Variants in ATP2B2 observed in about 807,000 individuals in gnomAD.
The protein encoded by ATP2B2 is plasma membrane calcium-transporting ATPase 2.
A neutral mutation model predicts 120.0 loss-of-function variants in ATP2B2; 15 were observed. That is an observed-to-expected ratio of 0.12 (90% CI 0.08 to 0.19). The LOEUF (loss-of-function observed/expected upper bound fraction) is 0.19. Ranked by LOEUF, ATP2B2 falls within the 10% of genes least tolerant of loss-of-function variation. ATP2B2 has a pLI of 1.00. For synonymous variants in ATP2B2, 694 were observed against 700.3 expected, an observed-to-expected ratio of 0.99 and a Z score of 0.14; for missense variants, 1,045 against 1,719.8, an observed-to-expected ratio of 0.61 and a Z score of 6.94.
chr3:10,680,197 G>T (rs999431721), intron 1 of ATP2B2, among the ~76,000 whole-genome samples: 1 of 152,216 alleles, frequency 6.6e-6, no homozygotes, highest in African/African-American at 2.4e-5. Context: ...CCACCAGTTT[G>T]CTCTATGGCC....
chr3:10,678,081 T>C (rs1420140455), intron 1 of ATP2B2, among the ~76,000 whole-genome samples: 1 of 152,212 alleles, frequency 6.6e-6, no homozygotes, highest in Non-Finnish European at 1.5e-5. Context: ...CCAATGTCCA[T>C]GCTCCCAGTT....
At position 10,402,187 on chromosome 3, in the gene ATP2B2, C is replaced by T. The variant is rs766306375; in HGVS notation, c.559G>A (p.Glu187Lys). 6.8e-6 allele frequency: 11 copies of T among 1,614,098 alleles called. No individual in the cohort carries two copies. Among genetic ancestry groups the T allele is most frequent in the Admixed American group, 1.7e-5 (1 of 60,006 alleles). The change falls in exon 4 of 23, where the codon GAG becomes AAG. Residue 187 changes from glutamate to lysine, a missense_variant. Glu to Lys is a moderately conservative substitution (Grantham distance 56, BLOSUM62 1). Around this residue, in one of 11 missense-constraint regions of ATP2B2, gnomAD observed 30 missense variants for 66.7 expected, o/e 0.45. Transcript: ENST00000360273. The surrounding 1 kb of genome is among the most constrained non-coding windows in gnomAD (Gnocchi z 4.9). ...KQFRGLQSRI[E>K]QEQKFTVVRA... ...ACCACGGTAAATTTCTGTTCCTGCT[C>T]GATGCGGCTCTGCAGGCCCCGGAAC...
At chr3:10,388,006 C>T (rs1377740102) in intron 6 of ATP2B2, 2 of 446,756 alleles carry the variant, frequency 4.5e-6, no homozygotes, top group Non-Finnish European at 8.3e-6. Flanking sequence ...GGAGACTCAA[C>T]AACATGGTCA....
At chr3:10,472,097 A>G (rs1376493210) in intron 1 of ATP2B2, among the ~76,000 whole-genome samples, 3 of 146,628 alleles carry the variant, frequency 2.0e-5, no homozygotes, top group South Asian at 2.3e-4. Context: ...AAAAAAAAAA[A>G]AAAAGAGATA....
chr3:10,689,436 G>A (rs2071604236), intron 1 of ATP2B2, among the ~76,000 whole-genome samples: 1 of 152,058 alleles, frequency 6.6e-6, no homozygotes, highest in Non-Finnish European at 1.5e-5. Context: ...ATAATTCAGT[G>A]TTTCCCAGAC....
intron 1 of ATP2B2, among the ~76,000 whole-genome samples, chr3:10,683,758 GTGTATATATA>G (rs1287643302): frequency 3.0e-5 from 1 of 33,636 alleles, no homozygotes; most frequent in Non-Finnish European, 6.0e-5. Context: ...ATGTGTGTGT[GTGTATATATA>G]TATATATATA....
At chr3:10,618,744 C>G (rs2069465505) in intron 2 of ATP2B2, among the ~76,000 whole-genome samples, 1 of 152,092 alleles carries the variant, frequency 6.6e-6, no homozygotes, top group Non-Finnish European at 1.5e-5. Flanking sequence ...TCTAGACCTC[C>G]CCAGAGAGCA....
At chr3:10,437,066 G>A (rs560400455) in intron 2 of ATP2B2, among the ~76,000 whole-genome samples, 8 of 152,204 alleles carry the variant, frequency 5.3e-5, no homozygotes, top group Admixed American at 2.6e-4. Context: ...TCCTAATGTG[G>A]GGCACTTAGG....
intron 1 of ATP2B2, among the ~76,000 whole-genome samples, chr3:10,683,760 G>GTGTGTATATATA (rs1446781892): frequency 1.5e-3 from 81 of 53,862 alleles, no homozygotes; most frequent in Non-Finnish European, 1.8e-3. Context: ...GTGTGTGTGT[G>GTGTGTATATATA]TATATATATA....
intron 1 of ATP2B2, among the ~76,000 whole-genome samples, chr3:10,667,335 C>G (rs1225622979): frequency 1.3e-5 from 2 of 152,136 alleles, no homozygotes; most frequent in African/African-American, 4.8e-5. Context: ...CTCTCAGACA[C>G]CACAATATTA....
chr3:10,434,873 C>T (rs1191596481), intron 2 of ATP2B2, among the ~76,000 whole-genome samples: 1 of 152,264 alleles, frequency 6.6e-6, no homozygotes, highest in African/African-American at 2.4e-5. Context: ...GCCCCATTGG[C>T]AGATCAGGTA....
chr3:10,536,550 A>G (rs2067322501), intron 2 of ATP2B2, among the ~76,000 whole-genome samples: 1 of 149,854 alleles, frequency 6.7e-6, no homozygotes, highest in African/African-American at 2.5e-5. Context: ...TTTTTGAGAA[A>G]GGGTCTCACT....
At chr3:10,512,481 C>CAG (rs1559431497) in intron 3 of ATP2B2, among the ~76,000 whole-genome samples, 19 of 137,670 alleles carry the variant, frequency 1.4e-4, no homozygotes, top group African/African-American at 5.8e-4. Flanking sequence ...CACACACACA[C>CAG]ACACACACAC....
intron 1 of ATP2B2, among the ~76,000 whole-genome samples, chr3:10,496,140 T>C (rs1220682372): frequency 1.3e-5 from 2 of 152,172 alleles, no homozygotes; most frequent in Admixed American, 6.5e-5. Flanking sequence ...GTCATGTAAG[T>C]TGATAAATTT....
intron 2 of ATP2B2, among the ~76,000 whole-genome samples, chr3:10,551,101 G>A (rs528409115): frequency 9.9e-5 from 15 of 152,280 alleles, no homozygotes; most frequent in African/African-American, 2.4e-4. Context: ...AATGTTTTAC[G>A]AAGGGGACTC....
At position 10,343,349 on chromosome 3, in the gene ATP2B2, C is replaced by G. The variant is rs547365340; in HGVS notation, c.2704-384G>C. The stretch of plus-strand genomic sequence containing the variant: ...GGCATGGGCTCCTACCTCCTCCCCC[C>G]ACTGCCTCCTCCCCCTCGGGCTTTC... On this transcript the variant is annotated intron_variant, in intron 18 of 22. Coordinates refer to ENST00000360273, the MANE Select transcript of ATP2B2 (RefSeq NM_001001331.4). The surrounding 1 kb of genome is among the most constrained non-coding windows in gnomAD (Gnocchi z 4.2). Among the ~76,000 whole-genome samples the G allele has an allele frequency of 3.2e-4, 49 of 151,816 alleles. No individual in the cohort carries two copies. The highest frequency in any genetic ancestry group is 1.7e-3 in the South Asian group (8 of 4,800).
intron 2 of ATP2B2, among the ~76,000 whole-genome samples, chr3:10,573,194 G>T (rs1225301018): frequency 2.0e-5 from 3 of 151,168 alleles, no homozygotes; most frequent in Admixed American, 6.6e-5. Context: ...TTTGGACAGG[G>T]TTAATTAAAA....
At chr3:10,636,538 C>T (rs1454859507) in intron 1 of ATP2B2, among the ~76,000 whole-genome samples, 1 of 151,940 alleles carries the variant, frequency 6.6e-6, no homozygotes, top group Non-Finnish European at 1.5e-5. Context: ...TGTTTCCAGC[C>T]AAGAAGGAGC....
At chr3:10,544,659 C>T (rs2067507237) in intron 2 of ATP2B2, among the ~76,000 whole-genome samples, 1 of 152,174 alleles carries the variant, frequency 6.6e-6, no homozygotes, top group African/African-American at 2.4e-5. Flanking sequence ...GATGCTTCTG[C>T]CTCTTTGAAG....
Sources: allele counts gnomAD v4.1 joint callset (sites outside exome capture counted in the v4.1 genomes callset), GRCh38; gene constraint gnomAD v4.1.1; regional missense constraint gnomAD v4.1.1; non-coding constraint Gnocchi (gnomAD v3.1); transcripts MANE v1.5; gene names NCBI Gene and HGNC (gene_info 2026-07-23, HGNC 2026-07-21).